Variants in SAMD4A observed in about 807,000 individuals in gnomAD.
SAMD4A encodes protein Smaug homolog 1.
A neutral mutation model predicts 81.3 loss-of-function variants in SAMD4A; 33 were observed. The observed-to-expected ratio is 0.41, with a 90% CI of 0.31 to 0.54. The LOEUF is 0.54. SAMD4A is among the 20% of genes least tolerant of loss of function. The pLI, the probability that SAMD4A is intolerant of heterozygous loss-of-function variation, is 0.37. For synonymous variants in SAMD4A, 389 were observed against 382.1 expected (o/e 1.02, Z -0.21); for missense variants, 854 against 951.1 (o/e 0.90, Z 1.34).
intron 11 of SAMD4A, among the ~76,000 whole-genome samples, chr14:54,780,327 A>G (rs534969024): frequency 6.6e-6 from 1 of 152,186 alleles, no homozygotes; most frequent in African/African-American, 2.4e-5. Context: ...AACCTCCTCT[A>G]AGTACCAGCT....
chr14:54,597,128 G>A (rs1451843811), intron 2 of SAMD4A, among the ~76,000 whole-genome samples: 1 of 150,720 alleles, frequency 6.6e-6, no homozygotes, highest in African/African-American at 2.4e-5. Context: ...TTGAAAAATG[G>A]AAGATTTGGC....
chr14:54,668,495 T>G (rs1257011295), intron 2 of SAMD4A, among the ~76,000 whole-genome samples: 1 of 152,204 alleles, frequency 6.6e-6, no homozygotes, highest in Non-Finnish European at 1.5e-5. Flanking sequence ...TTAATGACAG[T>G]ATTGGGACCA....
intron 5 of SAMD4A, among the ~76,000 whole-genome samples, chr14:54,750,515 A>G (rs560818704): frequency 9.8e-5 from 15 of 152,368 alleles, no homozygotes; most frequent in Admixed American, 9.1e-4. Context: ...TTAAGAAGAT[A>G]AAATCCACAA....
At chr14:54,694,581 A>C in intron 2 of SAMD4A, 16 of 979,752 alleles carry the variant, frequency 1.6e-5, no homozygotes, top group Non-Finnish European at 1.7e-5. Context: ...TCAGGGGAGA[A>C]ACCTGGGCTG....
intron 2 of SAMD4A, among the ~76,000 whole-genome samples, chr14:54,667,667 C>T (rs925688921): frequency 2.0e-5 from 3 of 152,174 alleles, no homozygotes; most frequent in Non-Finnish European, 2.9e-5. Context: ...CTCTGTGGAA[C>T]CCTTCTCTCT....
intron 3 of SAMD4A, among the ~76,000 whole-genome samples, chr14:54,728,434 C>T (rs569241272): frequency 3.3e-5 from 5 of 152,090 alleles, no homozygotes; most frequent in Admixed American, 6.5e-5. Context: ...AATCACATGG[C>T]GATTCAATCA....
At chr14:54,699,617 G>T (rs10873085) in intron 2 of SAMD4A, among the ~76,000 whole-genome samples, 144,040 of 152,306 alleles carry the variant, frequency 0.95, 68,623 homozygotes, top group East Asian at 1. Flanking sequence ...TAATGATAAT[G>T]GATAATGAAG....
At chr14:54,614,766 C>CA (rs2034450717) in intron 2 of SAMD4A, among the ~76,000 whole-genome samples, 1 of 152,066 alleles carries the variant, frequency 6.6e-6, no homozygotes, top group Non-Finnish European at 1.5e-5. Flanking sequence ...AAATAAAGGC[C>CA]AAAGTACCCA....
chr14:54,576,601 G>A (rs905826528), intron 2 of SAMD4A, among the ~76,000 whole-genome samples: 3 of 152,322 alleles, frequency 2.0e-5, no homozygotes, highest in African/African-American at 4.8e-5. Context: ...AGGATGGACC[G>A]TGGAGAACTA....
intron 2 of SAMD4A, chr14:54,668,832 A>T (rs1232857184): frequency 6.6e-6 from 1 of 152,314 alleles, no homozygotes; most frequent in Non-Finnish European, 1.5e-5. Context: ...AACTTGCCTA[A>T]AGTCACAAAG....
chr14:54,694,835 T>TG, intron 2 of SAMD4A: 1 of 985,620 alleles, frequency 1.0e-6, no homozygotes, highest in Non-Finnish European at 1.2e-6. Context: ...GGAGCAGTCC[T>TG]GGAGCACCCA....
intron 2 of SAMD4A, among the ~76,000 whole-genome samples, chr14:54,588,172 TAA>T (rs1425730064): frequency 6.6e-6 from 1 of 152,190 alleles, no homozygotes; most frequent in Non-Finnish European, 1.5e-5. Flanking sequence ...TTTAAGCCTG[TAA>T]AGGTGTTCAT....
chr14:54,771,628 C>T (rs1566631250), intron 9 of SAMD4A, among the ~76,000 whole-genome samples: 2 of 152,252 alleles, frequency 1.3e-5, no homozygotes, highest in African/African-American at 2.4e-5. Context: ...CTTCCTTGGC[C>T]TCCTGCCCTG....
chr14:54,567,701 G>A lies in SAMD4A; in HGVS notation c.-216G>A. ...CATTTCCGTGCTACTGTCTGTCATC[G>A]TCTCTGGGGAAATCAGCCAGAACCA... On this transcript the variant is annotated 5_prime_UTR_variant, in exon 2 of 13. Transcript: ENST00000554335. 1.9e-6 allele frequency: 1 copy of A among 517,882 alleles called. No individual in the cohort carries two copies. The highest frequency in any genetic ancestry group is 3.4e-6 in the Non-Finnish European group (1 of 297,674). 32.1% of individuals were successfully genotyped at this position (517,882 alleles called of 1,614,324 possible). A position where few individuals can be genotyped will look rare whatever the true frequency, so the allele number is the denominator to read the frequency against.
At chr14:54,706,671 T>C (rs1035826184) in intron 3 of SAMD4A, among the ~76,000 whole-genome samples, 10 of 146,372 alleles carry the variant, frequency 6.8e-5, no homozygotes, top group African/African-American at 2.5e-4. Context: ...GCAGGGGAAA[T>C]GGAAAGTGAG....
chr14:54,639,378 G>T (rs993538903), intron 2 of SAMD4A, among the ~76,000 whole-genome samples: 1 of 152,180 alleles, frequency 6.6e-6, no homozygotes, highest in Non-Finnish European at 1.5e-5. Context: ...TCTGTTTCTT[G>T]CATGTGTCTC....
At chr14:54,587,394 CT>C (rs1395612850) in intron 2 of SAMD4A, among the ~76,000 whole-genome samples, 3 of 152,148 alleles carry the variant, frequency 2.0e-5, no homozygotes, top group Non-Finnish European at 4.4e-5. Context: ...TTGACTTCCT[CT>C]TTACTGATTT....
Position 54,760,080 on chromosome 14 carries a change from CAGGGCAGGGG to C in SAMD4A, c.1177-72_1177-63del, listed in dbSNP as rs996963886. ...AGCAGCCACGAATCCTGTAAGAGCT[CAGGGCAGGGG>C]AGGGCAGGTACGGGGGTGGATGACC... On this transcript the variant is annotated intron_variant, in intron 6 of 12. Transcript: ENST00000554335. The C allele has an allele frequency of 3.2e-5, 46 of 1,422,450 alleles. No individual in the cohort carries two copies. The African/African-American group carries it at 6.3e-4, about 19-fold the overall frequency. 88.1% of individuals were successfully genotyped at this position (1,422,450 alleles called of 1,614,324 possible).
chr14:54,616,855 A>G (rs1448035740), intron 2 of SAMD4A, among the ~76,000 whole-genome samples: 1 of 152,228 alleles, frequency 6.6e-6, no homozygotes, highest in African/African-American at 2.4e-5. Context: ...ATTTAAAGAC[A>G]TGGAAAATTC....
Sources: allele counts gnomAD v4.1 joint callset (sites outside exome capture counted in the v4.1 genomes callset), GRCh38; gene constraint gnomAD v4.1.1; transcripts MANE v1.5; gene names NCBI Gene and HGNC (gene_info 2026-07-23, HGNC 2026-07-21).